The following EIF3E variants were observed in gnomAD, a reference collection of about 807,000 sequenced individuals.
The protein encoded by EIF3E is eukaryotic translation initiation factor 3 subunit E, also known as eIF-3 p48.
EIF3E carries 25 observed loss-of-function variants against 59.3 expected under a neutral mutation model. That is an observed-to-expected ratio of 0.42 (90% CI 0.31 to 0.59). The LOEUF (loss-of-function observed/expected upper bound fraction) is 0.59, where lower values mean the gene tolerates loss of function less well. Among genes scored for constraint, EIF3E ranks in the 20% least tolerant of loss-of-function variants. The pLI is 0.15. For synonymous variants in EIF3E, 176 were observed against 170.2 expected (o/e 1.03, Z -0.26); for missense variants, 317 against 534.3 (o/e 0.59, Z 4.01).
intron 10 of EIF3E, among the ~76,000 whole-genome samples, chr8:108,211,888 G>A (rs1329987351): frequency 6.6e-6 from 1 of 152,214 alleles, no homozygotes; most frequent in Admixed American, 6.5e-5. Flanking sequence ...GAAACACAGA[G>A]TTAAAGTGAC....
At chr8:108,247,444 A>G (rs1208657415) in intron 1 of EIF3E, among the ~76,000 whole-genome samples, 4 of 152,220 alleles carry the variant, frequency 2.6e-5, no homozygotes, top group Non-Finnish European at 4.4e-5. Context: ...AAGCAAAAAT[A>G]TATCAAGAGA....
At chr8:108,204,821 G>A (rs76024399) in intron 10 of EIF3E, among the ~76,000 whole-genome samples, 1,896 of 149,266 alleles carry the variant, frequency 0.013, 50 homozygotes, top group African/African-American at 0.043. Flanking sequence ...TCAGATAAAA[G>A]AGACAGAGGG....
At chr8:108,235,523 C>T (rs117808014) in intron 4 of EIF3E, among the ~76,000 whole-genome samples, 2,111 of 152,326 alleles carry the variant, frequency 0.014, 42 homozygotes, top group South Asian at 0.07. Flanking sequence ...GTAATGCTTG[C>T]TCACCTTCTG....
At position 108,228,266 on chromosome 8, in the gene EIF3E, C is replaced by T. The variant is rs1267834200; in HGVS notation, c.722+1G>A. On this transcript the variant is annotated splice_donor_variant, in intron 7 of 12. Transcript: ENST00000220849. LOFTEE classifies it high-confidence loss of function. ...CAAAATTACACAGTGAAATAACTTA[C>T]TGTGGCTGATAAAGGAAGAGGTCAA... 2 of 1,588,790 alleles carry T rather than the reference C, an allele frequency of 1.3e-6. No homozygotes were observed. The highest frequency in any genetic ancestry group is 2.3e-5 in the East Asian group (1 of 43,980).
chr8:108,204,760 G>GAGAGAGAGAGAGAGAGAGAC (rs1815064694), intron 10 of EIF3E, among the ~76,000 whole-genome samples: 1 of 130,980 alleles, frequency 7.6e-6, no homozygotes, highest in East Asian at 2.1e-4. Context: ...GAGAGAGAGA[G>GAGAGAGAGAGAGAGAGAGAC]AGAGAGAGAG....
chr8:108,239,846 C>T (rs1815802747), intron 3 of EIF3E, 112 bp downstream of exon 3: 7 of 797,836 alleles, frequency 8.8e-6, no homozygotes, highest in Non-Finnish European at 1.5e-5. Context: ...ATGAATAAAG[C>T]ACTCATTTAA....
chr8:108,217,247 T>G, intron 8 of EIF3E, 87 bp downstream of exon 8: 1 of 1,088,174 alleles, frequency 9.2e-7, no homozygotes. Flanking sequence ...GTTTGTACCT[T>G]AAGAACTAAG....
intron 10 of EIF3E, among the ~76,000 whole-genome samples, chr8:108,210,024 T>C (rs1186196943): frequency 2.7e-5 from 4 of 149,092 alleles, no homozygotes; most frequent in Non-Finnish European, 6.0e-5. Context: ...CATAATCATC[T>C]CAAAATAAAC....
chr8:108,223,295 A>C (rs1815454796), intron 7 of EIF3E, among the ~76,000 whole-genome samples: 1 of 152,204 alleles, frequency 6.6e-6, no homozygotes, highest in Non-Finnish European at 1.5e-5. Context: ...TTCATGAAGG[A>C]CAGGCTTTAA....
At chr8:108,234,309 A>T (rs1427828868) in intron 5 of EIF3E, 1 of 152,304 alleles carries the variant, frequency 6.6e-6, no homozygotes, top group Non-Finnish European at 1.5e-5. Context: ...CTGTGATTAC[A>T]GGTGTGAGCC....
At chr8:108,221,028 GGACA>G (rs2129876776) in intron 7 of EIF3E, among the ~76,000 whole-genome samples, 1 of 143,412 alleles carries the variant, frequency 7.0e-6, no homozygotes, top group East Asian at 1.9e-4. Context: ...AGCGAGACAT[GGACA>G]GACAGGAAAG....
chr8:108,234,015 A>G (rs556050641), intron 5 of EIF3E, among the ~76,000 whole-genome samples: 19 of 152,032 alleles, frequency 1.2e-4, no homozygotes, highest in Non-Finnish European at 2.1e-4. Flanking sequence ...AACGAAGTAC[A>G]TCAATTTGAA....
intron 5 of EIF3E, among the ~76,000 whole-genome samples, chr8:108,232,644 T>C (rs1057196297): frequency 3.9e-5 from 6 of 152,320 alleles, no homozygotes; most frequent in East Asian, 1.9e-4. Flanking sequence ...GAATGTGTTA[T>C]ATGTGTTAGA....
At chr8:108,211,806 T>C (rs1815215295) in intron 10 of EIF3E, among the ~76,000 whole-genome samples, 1 of 152,202 alleles carries the variant, frequency 6.6e-6, no homozygotes, top group South Asian at 2.1e-4. Flanking sequence ...TAGCATAGCC[T>C]ACTCAATAAA....
At chr8:108,204,744 TATAGAGAGAGAGAGAGAGAG>T (rs1188065615) in intron 10 of EIF3E, among the ~76,000 whole-genome samples, 1 of 102,708 alleles carries the variant, frequency 9.7e-6, no homozygotes, top group Non-Finnish European at 1.9e-5. Context: ...TATATATATA[TATAGAGAGAGAGAGAGAGAG>T]AGAGAGAGAG....
In EIF3E at chr8:108,221,111, G is replaced by C. The variant is rs55650414; in HGVS notation, c.723-3651C>G. Reference sequence around the variant, plus strand: ...CTGGGAATGAAAAGAAAAGGGAAAGGAAAAGAAAGAAAAGGAAAGAAAGAA... The same window carrying C: ...CTGGGAATGAAAAGAAAAGGGAAAGCAAAAGAAAGAAAAGGAAAGAAAGAA... On this transcript the variant is annotated intron_variant, in intron 7 of 12. Transcript: ENST00000220849. Among the ~76,000 whole-genome samples, 707 of 151,986 alleles carry C rather than the reference G, an allele frequency of 4.7e-3. 4 individuals are homozygous for C. Among genetic ancestry groups the C allele is most frequent in the African/African-American group, 0.015 (615 of 41,464 alleles).
intron 4 of EIF3E, 92 bp downstream of exon 4, chr8:108,236,069 C>T: frequency 2.1e-6 from 2 of 952,490 alleles, no homozygotes; most frequent in African/African-American, 1.7e-5. Flanking sequence ...AAATTATATT[C>T]TTAGGCCAAG....
chr8:108,208,646 A>C (rs971779648), intron 10 of EIF3E, among the ~76,000 whole-genome samples: 4 of 152,124 alleles, frequency 2.6e-5, no homozygotes, highest in Non-Finnish European at 5.9e-5. Context: ...TAAGAACTTT[A>C]AGAAAAATAT....
chr8:108,219,790 A>T (rs1338400477), intron 7 of EIF3E, among the ~76,000 whole-genome samples: 1 of 152,008 alleles, frequency 6.6e-6, no homozygotes, highest in African/African-American at 2.4e-5. Context: ...CCGTTACTGC[A>T]CCACTGCACT....
Sources: gnomAD v4.1 joint callset for allele counts (sites outside exome capture counted in the v4.1 genomes callset) on GRCh38, gnomAD v4.1.1 for gene constraint, MANE v1.5 for transcripts, NCBI Gene and HGNC (gene_info 2026-07-23, HGNC 2026-07-21) for gene names.